ZFPM2: variants seen among roughly 807,000 people sequenced by gnomAD.
ZFPM2 encodes zinc finger protein ZFPM2.
A neutral mutation model predicts 98.6 loss-of-function variants in ZFPM2; 20 were observed. The observed-to-expected ratio is 0.20, with a 90% CI of 0.14 to 0.29. The LOEUF is 0.29. ZFPM2 is among the 10% of genes least tolerant of loss of function. ZFPM2 has a pLI of 1.00. For synonymous variants in ZFPM2, 518 were observed against 502.7 expected (o/e 1.03, Z -0.41); for missense variants, 1,310 against 1,388.6 (o/e 0.94, Z 0.90).
chr8:105,492,638 C>G (rs1473663320), intron 3 of ZFPM2, among the ~76,000 whole-genome samples: 4 of 152,086 alleles, frequency 2.6e-5, no homozygotes, highest in African/African-American at 9.7e-5. Flanking sequence ...TATTTGCTTA[C>G]AGCTTTGCTC....
At chr8:105,696,372 C>G (rs772795554) in intron 5 of ZFPM2, among the ~76,000 whole-genome samples, 2 of 152,030 alleles carry the variant, frequency 1.3e-5, no homozygotes, top group African/African-American at 4.8e-5. Context: ...CTGTCACCTG[C>G]GTAATAAAGT....
At chr8:105,646,053 A>G (rs1464341001) in intron 5 of ZFPM2, among the ~76,000 whole-genome samples, 9 of 18,366 alleles carry the variant, frequency 4.9e-4, no homozygotes, top group Admixed American at 4.8e-3. Flanking sequence ...TCCATCTGGA[A>G]AAAAAAAAAA....
At chr8:105,540,105 G>GTC (rs891021166) in intron 3 of ZFPM2, among the ~76,000 whole-genome samples, 4 of 151,730 alleles carry the variant, frequency 2.6e-5, no homozygotes, top group African/African-American at 7.2e-5. Context: ...CCCCATCTCT[G>GTC]TCTCTCTCTG....
At chr8:105,780,401 A>T (rs1217963292) in intron 5 of ZFPM2, 1 of 152,208 alleles carries the variant, frequency 6.6e-6, no homozygotes, top group African/African-American at 2.4e-5. Flanking sequence ...AATAAAATAA[A>T]TCACTTCAAA....
intron 3 of ZFPM2, among the ~76,000 whole-genome samples, chr8:105,493,100 T>A (rs1231655919): frequency 1.3e-5 from 2 of 152,196 alleles, no homozygotes; most frequent in Non-Finnish European, 2.9e-5. Context: ...TAAATATGTC[T>A]GGCTTTGGAA....
intron 4 of ZFPM2, among the ~76,000 whole-genome samples, chr8:105,623,940 T>A (rs868300312): frequency 6.6e-6 from 1 of 152,196 alleles, no homozygotes; most frequent in African/African-American, 2.4e-5. Flanking sequence ...TAGTAAAGCT[T>A]CCTTAAGTAA....
intron 3 of ZFPM2, among the ~76,000 whole-genome samples, chr8:105,535,135 G>T (rs1233130437): frequency 2.6e-5 from 4 of 152,064 alleles, no homozygotes; most frequent in Admixed American, 2.0e-4. Context: ...CTTTGCCATT[G>T]GCCTCCTTCC....
intron 2 of ZFPM2, 63 bp from the exon 3 acceptor site, chr8:105,444,217 G>A: frequency 8.0e-7 from 1 of 1,250,104 alleles, no homozygotes; most frequent in Non-Finnish European, 1.1e-6. Context: ...CTTTATGAGG[G>A]TGTGAATGTG....
At chr8:105,330,124 T>C (rs1414621751) in intron 1 of ZFPM2, among the ~76,000 whole-genome samples, 1 of 151,582 alleles carries the variant, frequency 6.6e-6, no homozygotes, top group Admixed American at 6.6e-5. Flanking sequence ...TTTCCAGTGT[T>C]AGCCATAAAA....
intron 3 of ZFPM2, among the ~76,000 whole-genome samples, chr8:105,472,889 C>CTT (rs5893744): frequency 2.4e-3 from 260 of 109,368 alleles, no homozygotes; most frequent in African/African-American, 5.8e-3. Flanking sequence ...CTAAAGGGAC[C>CTT]TTTTTTTTTT....
chr8:105,388,491 G>A lies in ZFPM2; in HGVS notation c.41-30653G>A, dbSNP rs79223859. Reference sequence around the variant, plus strand: ...GTGGGTGGGAGGATTCCAGGTTAGAGAATGGAGTCTAAGAGAATAGAAGCC... The same window carrying A: ...GTGGGTGGGAGGATTCCAGGTTAGAAAATGGAGTCTAAGAGAATAGAAGCC... On this transcript the variant is annotated intron_variant, in intron 1 of 7. Coordinates refer to ENST00000407775, the MANE Select transcript of ZFPM2 (RefSeq NM_012082.4). 1.1e-3 allele frequency among the ~76,000 whole-genome samples: 169 copies of A among 152,322 alleles called. 1 individual carries two copies. In the East Asian group the frequency reaches 0.031, roughly 28 times the overall value.
In ZFPM2 at chr8:105,718,476, A is replaced by G. The variant is rs543740677; in HGVS notation, c.533-70242A>G. Among the ~76,000 whole-genome samples, 6 of 152,128 alleles carry G rather than the reference A, an allele frequency of 3.9e-5. No homozygotes were observed. In the East Asian group the frequency reaches 1.2e-3, roughly 30 times the overall value. ...TCTGAATTTATGTAACCATCTGCAC[A>G]TTATTGCAAGATATCACTGTTATTT... On this transcript the variant is annotated intron_variant, in intron 5 of 7. Coordinates refer to ENST00000407775, the MANE Select transcript of ZFPM2 (RefSeq NM_012082.4).
At chr8:105,383,468 C>G (rs2880446) in intron 1 of ZFPM2, among the ~76,000 whole-genome samples, 1 of 151,912 alleles carries the variant, frequency 6.6e-6, no homozygotes. Context: ...TTTTGTTCTT[C>G]TGTTTTAATA....
At chr8:105,373,085 C>CAA (rs1810655982) in intron 1 of ZFPM2, among the ~76,000 whole-genome samples, 1 of 152,086 alleles carries the variant, frequency 6.6e-6, no homozygotes, top group African/African-American at 2.4e-5. Context: ...AACAAGAAGT[C>CAA]CATTACTATT....
chr8:105,657,696 A>T (rs1312293073), intron 5 of ZFPM2, among the ~76,000 whole-genome samples: 2 of 152,140 alleles, frequency 1.3e-5, no homozygotes, highest in Admixed American at 1.3e-4. Context: ...TACTTCACAA[A>T]AGTTGCTGTG....
intron 5 of ZFPM2, among the ~76,000 whole-genome samples, chr8:105,650,664 A>G (rs1221286576): frequency 6.6e-6 from 1 of 152,184 alleles, no homozygotes; most frequent in Non-Finnish European, 1.5e-5. Flanking sequence ...CAGGTTGTTC[A>G]GTTTCCGTGT....
chr8:105,566,045 C>G (rs1350074966), intron 4 of ZFPM2, among the ~76,000 whole-genome samples: 1 of 152,116 alleles, frequency 6.6e-6, no homozygotes, highest in Non-Finnish European at 1.5e-5. Flanking sequence ...TCCTCGTCTG[C>G]AGGGAGGCCA....
chr8:105,734,716 C>G (rs1201957629), intron 5 of ZFPM2, among the ~76,000 whole-genome samples: 1 of 151,854 alleles, frequency 6.6e-6, no homozygotes, highest in Non-Finnish European at 1.5e-5. Context: ...CTTAGCAAAG[C>G]ATGTTGAGCC....
At chr8:105,415,970 G>T (rs143862614) in intron 1 of ZFPM2, among the ~76,000 whole-genome samples, 1 of 151,936 alleles carries the variant, frequency 6.6e-6, no homozygotes, top group East Asian at 1.9e-4. Flanking sequence ...GCTTAGTATT[G>T]TTCACCTTTT....
Sources: allele counts gnomAD v4.1 joint callset (sites outside exome capture counted in the v4.1 genomes callset), GRCh38; gene constraint gnomAD v4.1.1; transcripts MANE v1.5; gene names NCBI Gene and HGNC (gene_info 2026-07-23, HGNC 2026-07-21).